Variants in PCDHA3 observed in about 807,000 individuals in gnomAD.
PCDHA3 encodes the protein protocadherin alpha 3.
In PCDHA3, 41 loss-of-function variants were observed where a neutral mutation model predicts 62.2. That is an observed-to-expected ratio of 0.66 (90% confidence interval 0.51 to 0.86). PCDHA3 has a LOEUF of 0.86. Ranked by LOEUF, PCDHA3 falls within the 40% of genes least tolerant of loss-of-function variation. The pLI, the probability that PCDHA3 is intolerant of heterozygous loss-of-function variation, is 0.00. For synonymous variants in PCDHA3, 640 were observed against 555.4 expected (o/e 1.15, Z -2.14); for missense variants, 1,304 against 1,241.2 (o/e 1.05, Z -0.76).
At chr5:140,896,033 A>G (rs994719566) in intron 1 of PCDHA3, among the ~76,000 whole-genome samples, 2 of 151,874 alleles carry the variant, frequency 1.3e-5, no homozygotes, top group East Asian at 1.9e-4. Flanking sequence ...CTGGTCTCGA[A>G]CTCCTGACCT....
chr5:140,835,605 G>A, intron 1 of PCDHA3: 1 of 1,613,894 alleles, frequency 6.2e-7, no homozygotes, highest in Non-Finnish European at 8.5e-7. Context: ...CTATTCATTG[G>A]TGCTGGACAG....
At chr5:140,885,119 TTTTC>T (rs1425065169) in intron 1 of PCDHA3, among the ~76,000 whole-genome samples, 2 of 152,334 alleles carry the variant, frequency 1.3e-5, no homozygotes, top group East Asian at 3.9e-4. Context: ...TTAAGTGCAC[TTTTC>T]TTTCTTTCTT....
At chr5:140,815,207 A>G (rs1765675680) in intron 1 of PCDHA3, 1 of 152,160 alleles carries the variant, frequency 6.6e-6, no homozygotes, top group Admixed American at 6.5e-5. Flanking sequence ...TTGATAGGGC[A>G]TAACTTACTG....
intron 1 of PCDHA3, chr5:140,883,780 G>C (rs903874944): frequency 1.2e-6 from 2 of 1,612,370 alleles, no homozygotes; most frequent in Admixed American, 1.7e-5. Flanking sequence ...AGCGTGCGCT[G>C]TCGAGCTACG....
In PCDHA3 at chr5:140,837,615, CCCTT is replaced by C. The variant is rs2150277487; in HGVS notation, c.2394+34041_2394+34044del. Among the ~76,000 whole-genome samples, 57 of 145,918 alleles carry C rather than the reference CCCTT, an allele frequency of 3.9e-4. 2 individuals carry two copies. Among genetic ancestry groups the C allele is most frequent in the South Asian group, 6.5e-4 (3 of 4,612 alleles). On this transcript the variant is annotated intron_variant, in intron 1 of 3. Coordinates refer to ENST00000522353, the MANE Select transcript of PCDHA3 (RefSeq NM_018906.3). ...CCAATATATATATTTTATAATTTGC[CCCTT>C]CCTTCCTTCCTTCCTTTCTTTCTTT...
intron 1 of PCDHA3, among the ~76,000 whole-genome samples, chr5:140,881,694 G>C (rs1375930995): frequency 6.6e-6 from 1 of 152,126 alleles, no homozygotes; most frequent in Non-Finnish European, 1.5e-5. Flanking sequence ...TCCTTTTGGA[G>C]TCAATGGCTG....
intron 1 of PCDHA3, among the ~76,000 whole-genome samples, chr5:140,920,771 G>A (rs1256445366): frequency 6.6e-6 from 1 of 151,698 alleles, no homozygotes; most frequent in African/African-American, 2.4e-5. Context: ...TTACACCTGG[G>A]AGGTGGAGGT....
intron 1 of PCDHA3, among the ~76,000 whole-genome samples, chr5:140,905,243 T>C (rs962108553): frequency 7.2e-5 from 11 of 152,184 alleles, no homozygotes; most frequent in Non-Finnish European, 1.5e-4. Context: ...CCAGTTTCAT[T>C]CTTCCACATG....
At chr5:140,840,317 G>A (rs193301017) in intron 1 of PCDHA3, among the ~76,000 whole-genome samples, 6 of 151,994 alleles carry the variant, frequency 3.9e-5, no homozygotes, top group East Asian at 1.9e-4. Flanking sequence ...AACTTTGGTC[G>A]ACTCATTTTC....
chr5:140,848,923 C>A (rs2150425002), intron 1 of PCDHA3: 1 of 1,607,740 alleles, frequency 6.2e-7, no homozygotes, highest in Non-Finnish European at 8.5e-7. Flanking sequence ...CTGTTCATCG[C>A]GGAATCCAGG....
rs1448564423 is a variant in PCDHA3 at position 140,841,223 on chromosome 5, A to G, written c.2394+37632A>G. 4.8e-6 allele frequency: 7 copies of G among 1,448,108 alleles called. No homozygotes were observed. In the Admixed American group the frequency reaches 6.8e-5, roughly 14 times the overall value. The allele number at this position is 1,448,108 out of a possible 1,614,324, so 89.7% of individuals were successfully genotyped here. ...CAGCATCTGTCTCTAAAGGCCGAAC[A>G]ACGGGAGATGCAGCGGAATTGGATT... is the stretch of plus-strand genomic sequence containing the variant. On this transcript the variant is annotated intron_variant, in intron 1 of 3. Transcript: ENST00000522353.
At chr5:140,889,144 A>G (rs2062119546) in intron 1 of PCDHA3, among the ~76,000 whole-genome samples, 1 of 151,794 alleles carries the variant, frequency 6.6e-6, no homozygotes, top group African/African-American at 2.4e-5. Flanking sequence ...TTTTCTTCCT[A>G]ATTTCTTCTT....
At chr5:140,829,239 G>A (rs2150164534) in intron 1 of PCDHA3, 2 of 1,614,238 alleles carry the variant, frequency 1.2e-6, no homozygotes, top group East Asian at 2.2e-5. Context: ...GGTGCCAACG[G>A]GCAGGTGAAC....
At chr5:140,831,281 C>G (rs1312764536) in intron 1 of PCDHA3, 1 of 152,158 alleles carries the variant, frequency 6.6e-6, no homozygotes, top group Non-Finnish European at 1.5e-5. Context: ...ATGGTCTTCT[C>G]TTCATGGAGT....
chr5:140,824,246 A>G (rs1229487680), intron 1 of PCDHA3: 1 of 1,453,814 alleles, frequency 6.9e-7, no homozygotes, highest in East Asian at 2.3e-5. Flanking sequence ...ATTGTGGTAC[A>G]CAATTATTGC....
At chr5:140,996,173 A>G (rs2097715399) in intron 3 of PCDHA3, among the ~76,000 whole-genome samples, 1 of 152,236 alleles carries the variant, frequency 6.6e-6, no homozygotes, top group Non-Finnish European at 1.5e-5. Flanking sequence ...ATGTGCTGAC[A>G]GCACCTCCAT....
At chr5:140,855,306 T>C (rs2043421281) in intron 1 of PCDHA3, among the ~76,000 whole-genome samples, 1 of 149,750 alleles carries the variant, frequency 6.7e-6, no homozygotes, top group Admixed American at 6.7e-5. Context: ...AGTTATAAAA[T>C]TGGAACATGA....
chr5:140,809,151 G>A lies in PCDHA3; in HGVS notation c.2394+5560G>A, dbSNP rs370475370. ...CTACTGGTACTGGTGAAGGACCACGGCGAGCCCGCGCTGACGGCCACGGCC... is the reference window on the plus strand; with the variant it reads ...CTACTGGTACTGGTGAAGGACCACGACGAGCCCGCGCTGACGGCCACGGCC... On this transcript the variant is annotated intron_variant, in intron 1 of 3. Coordinates refer to ENST00000522353, the MANE Select transcript of PCDHA3 (RefSeq NM_018906.3). 1.9e-6 allele frequency: 3 copies of A among 1,613,852 alleles called. No individual in the cohort carries two copies. The highest frequency in any genetic ancestry group is 2.7e-5 in the African/African-American group (2 of 74,940).
intron 1 of PCDHA3, chr5:140,968,014 A>G: frequency 6.2e-7 from 1 of 1,614,194 alleles, no homozygotes; most frequent in Non-Finnish European, 8.5e-7. Flanking sequence ...ATGGCTTTGG[A>G]AACTCCTATA....
Sources: gnomAD v4.1 joint callset for allele counts (sites outside exome capture counted in the v4.1 genomes callset) on GRCh38, gnomAD v4.1.1 for gene constraint, MANE v1.5 for transcripts, NCBI Gene and HGNC (gene_info 2026-07-23, HGNC 2026-07-21) for gene names.